The following POLR2F variants were observed in gnomAD, a reference collection of about 807,000 sequenced individuals.
POLR2F encodes DNA-directed RNA polymerases I, II, and III subunit RPABC2.
In POLR2F, 12 loss-of-function variants were observed where a neutral mutation model predicts 22.7. The observed-to-expected ratio is 0.53, with a 90% CI of 0.34 to 0.86. The LOEUF is 0.86. POLR2F is among the 40% of genes least tolerant of loss of function. POLR2F has a pLI of 0.02. For synonymous variants in POLR2F, 57 were observed against 66.0 expected, an observed-to-expected ratio of 0.86 and a Z score of 0.66; for missense variants, 126 against 171.5, an observed-to-expected ratio of 0.73 and a Z score of 1.48.
At chr22:38,029,724 A>C (rs1351067281), downstream of POLR2F, among the ~76,000 whole-genome samples, 2 of 152,190 alleles carry the variant, frequency 1.3e-5, no homozygotes, top group African/African-American at 4.8e-5. Context: ...GGGAGACTGC[A>C]AGCAAGCTAG....
Position 38,016,581 on chromosome 22 carries a change from C to A in POLR2F, c.121-9288C>A, listed in dbSNP as rs949838996. ...TGGGGTGGGGGCTTAGAAGCAGCTG[C>A]GCGCGACGTTGACATTGTTCCCACC... On this transcript the variant is annotated intron_variant, in intron 1 of 2. Transcript: ENST00000333418. The surrounding 1 kb of genome is among the most constrained non-coding windows in gnomAD (Gnocchi z 4.4). 3.9e-5 allele frequency among the ~76,000 whole-genome samples: 6 copies of A among 152,204 alleles called. No individual in the cohort carries two copies. Among genetic ancestry groups the A allele is most frequent in the African/African-American group, 1.4e-4 (6 of 41,442 alleles).
At chr22:38,014,804 G>GTTTTTTT (rs1569180964) in intron 1 of POLR2F, among the ~76,000 whole-genome samples, 5 of 108,526 alleles carry the variant, frequency 4.6e-5, no homozygotes, top group Admixed American at 1.0e-4. Flanking sequence ...TTGTATTTTT[G>GTTTTTTT]TATTTTTTTT....
chr22:37,994,234 C>G (rs2084689901), intron 1 of POLR2F, among the ~76,000 whole-genome samples: 1 of 152,166 alleles, frequency 6.6e-6, no homozygotes, highest in Non-Finnish European at 1.5e-5. Context: ...ATGTCAGGGG[C>G]TTCGGTTCAC....
intron 1 of POLR2F, chr22:38,025,628 G>A: frequency 6.4e-7 from 1 of 1,559,954 alleles, no homozygotes; most frequent in Non-Finnish European, 8.7e-7. Flanking sequence ...CTACGCACTG[G>A]CCCACAGCCT....
At chr22:38,038,297 G>A (rs1006602489) in intron 5 of POLR2F, among the ~76,000 whole-genome samples, 37 of 152,318 alleles carry the variant, frequency 2.4e-4, no homozygotes, top group African/African-American at 5.8e-4. Flanking sequence ...GAGGATGTGA[G>A]GATTCAGAGG....
chr22:37,960,701 AT>A (rs1931599829), intron 3 of POLR2F, among the ~76,000 whole-genome samples: 1 of 142,500 alleles, frequency 7.0e-6, no homozygotes, highest in Admixed American at 7.0e-5. Context: ...GTGCCCGGCT[AT>A]TTTTGTATTT....
At chr22:37,964,210 TG>T (rs1257550375) in intron 3 of POLR2F, among the ~76,000 whole-genome samples, 3 of 150,498 alleles carry the variant, frequency 2.0e-5, no homozygotes, top group African/African-American at 4.9e-5. Flanking sequence ...CAGATGCGAG[TG>T]GTGCTTTATG....
downstream of POLR2F, chr22:37,970,809 C>T (rs1932028173): frequency 5.9e-6 from 1 of 169,712 alleles, no homozygotes; most frequent in African/African-American, 2.4e-5. Flanking sequence ...GGGTCAAACC[C>T]AACAAGGTGA....
chr22:38,031,487 TG>T (rs1241039515), downstream of POLR2F, among the ~76,000 whole-genome samples: 1 of 152,092 alleles, frequency 6.6e-6, no homozygotes, highest in Non-Finnish European at 1.5e-5. The surrounding 1 kb of genome is among the most constrained non-coding windows in gnomAD (Gnocchi z 4.1). Context: ...CCCCTAAGTG[TG>T]GGGACTGGGT....
At chr22:37,955,249 G>A (rs1172792705) in intron 1 of POLR2F, among the ~76,000 whole-genome samples, 1 of 145,998 alleles carries the variant, frequency 6.8e-6, no homozygotes, top group Non-Finnish European at 1.5e-5. Context: ...ATGTTGAAAT[G>A]CTGATGGGGC....
intron 1 of POLR2F, among the ~76,000 whole-genome samples, chr22:37,956,386 A>G (rs975746392): frequency 7.3e-5 from 11 of 150,186 alleles, no homozygotes; most frequent in African/African-American, 2.5e-4. Flanking sequence ...CAAAGCCACC[A>G]TGCCCGGCCT....
chr22:37,974,143 C>G (rs376907937), downstream of POLR2F: 42 of 1,611,366 alleles, frequency 2.6e-5, no homozygotes, highest in Non-Finnish European at 3.6e-5. The surrounding 1 kb of genome is among the most constrained non-coding windows in gnomAD (Gnocchi z 5.4). Context: ...CTGCCTTGCC[C>G]GACTGCAGCT....
chr22:37,996,305 AAAGAGGGGGGAACAGG>A (rs2084713176), intron 1 of POLR2F, among the ~76,000 whole-genome samples: 1 of 152,050 alleles, frequency 6.6e-6, no homozygotes, highest in Non-Finnish European at 1.5e-5. Context: ...GGAGGCAGGG[AAAGAGGGGGGAACAGG>A]AAGCACCCGG....
intron 1 of POLR2F, among the ~76,000 whole-genome samples, chr22:38,005,389 G>C (rs2084812017): frequency 6.6e-6 from 1 of 152,204 alleles, no homozygotes; most frequent in African/African-American, 2.4e-5. Flanking sequence ...CCTCCCAAAG[G>C]GTGGGATTAC....
chr22:37,969,306 G>T lies in POLR2F; in HGVS notation c.*1591G>T, dbSNP rs1470917303. ...GACTTCTCTTGAATAAAATGTCCCG[G>T]TCACCACTATTGGTTCTGTTTTCTT... On this transcript the variant is annotated 3_prime_UTR_variant, in exon 5 of 5. Transcript: ENST00000442738. The T allele has an allele frequency of 4.1e-6, 4 of 985,236 alleles. No homozygotes were observed. Among genetic ancestry groups the T allele is most frequent in the Non-Finnish European group, 4.8e-6 (4 of 829,934 alleles). The allele number at this position is 985,236 out of a possible 1,614,324, so 61.0% of individuals were successfully genotyped here.
At chr22:37,992,466 C>T (rs942282217) in intron 1 of POLR2F, among the ~76,000 whole-genome samples, 1 of 151,854 alleles carries the variant, frequency 6.6e-6, no homozygotes, top group Admixed American at 6.6e-5. Flanking sequence ...GTGGTCTTGG[C>T]TCACTGCAAC....
downstream of POLR2F, among the ~76,000 whole-genome samples, chr22:38,028,832 C>T (rs550655056): frequency 4.6e-5 from 7 of 152,162 alleles, no homozygotes; most frequent in East Asian, 1.2e-3. Context: ...ACCCTCCACC[C>T]GCACTGTGAT....
At chr22:38,022,507 C>T (rs1271772525) in intron 1 of POLR2F, among the ~76,000 whole-genome samples, 5 of 140,686 alleles carry the variant, frequency 3.6e-5, no homozygotes, top group Admixed American at 2.2e-4. Flanking sequence ...CCCGAGATTG[C>T]GTCACTGCAC....
chr22:37,998,163 AT>A lies in POLR2F; in HGVS notation c.120+11853del, dbSNP rs138626773. ...AGCCTTTCCTTCCCGCCTCTGGTCGATTGGGGGTGGGGCAGGGGCAGGGAAT... is the reference window on the plus strand; with the variant it reads ...AGCCTTTCCTTCCCGCCTCTGGTCGATGGGGGTGGGGCAGGGGCAGGGAAT... On this transcript the variant is annotated intron_variant, in intron 1 of 2. Transcript: ENST00000333418. 9.9e-3 allele frequency among the ~76,000 whole-genome samples: 1,507 copies of A among 151,826 alleles called. 28 individuals carry two copies. The highest frequency in any genetic ancestry group is 0.035 in the African/African-American group (1,459 of 41,414).
Sources: gnomAD v4.1 joint callset for allele counts (sites outside exome capture counted in the v4.1 genomes callset) on GRCh38, gnomAD v4.1.1 for gene constraint, Gnocchi (gnomAD v3.1) non-coding constraint, MANE v1.5 for transcripts, NCBI Gene and HGNC (gene_info 2026-07-23, HGNC 2026-07-21) for gene names.